ACAP2: variants seen among roughly 807,000 people sequenced by gnomAD.
The protein encoded by ACAP2 is ArfGAP with coiled-coil, ankyrin repeat and PH domains 2.
Under a neutral mutation model 115.8 loss-of-function variants are expected in ACAP2, and 39 were observed. That is an observed-to-expected ratio of 0.34 (90% CI 0.26 to 0.44). The LOEUF (loss-of-function observed/expected upper bound fraction) is 0.44. Ranked by LOEUF, ACAP2 falls within the 20% of genes least tolerant of loss-of-function variation. The pLI, the probability that ACAP2 is intolerant of heterozygous loss-of-function variation, is 1.00. For synonymous variants in ACAP2, 289 were observed against 315.8 expected, an observed-to-expected ratio of 0.92 and a Z score of 0.90; for missense variants, 662 against 927.6, an observed-to-expected ratio of 0.71 and a Z score of 3.72.
chr3:195,392,242 G>C lies in ACAP2; in HGVS notation c.54-95C>G, dbSNP rs1259713556. ...TCTAAATGAAAAGATAGATATGAATGCTTAAAAATTACACTTCACATGAAG... is the reference window on the plus strand; with the variant it reads ...TCTAAATGAAAAGATAGATATGAATCCTTAAAAATTACACTTCACATGAAG... On this transcript the variant is annotated intron_variant, in intron 1 of 22. Coordinates refer to ENST00000326793, the MANE Select transcript of ACAP2 (RefSeq NM_012287.6). 6 of 982,612 alleles carry C rather than the reference G, an allele frequency of 6.1e-6. No individual in the cohort carries two copies. The East Asian group carries it at 1.3e-4, about 22-fold the overall frequency. The allele number at this position is 982,612 out of a possible 1,614,324, so 60.9% of individuals were successfully genotyped here. A position where few individuals can be genotyped will look rare whatever the true frequency, so the allele number is the denominator to read the frequency against.
Position 195,412,693 on chromosome 3 carries a change from G to T in ACAP2, c.54-20546C>A, listed in dbSNP as rs548347575. Among the ~76,000 whole-genome samples the T allele has an allele frequency of 2.1e-4, 32 of 152,256 alleles. No homozygotes were observed. The East Asian group carries it at 6.0e-3, about 28-fold the overall frequency. The stretch of plus-strand genomic sequence containing the variant: ...ATAAGGAGAGATTTTAAGCCCTTTT[G>T]AGCTACAAGAAGTCTTTGTAAAATC... On this transcript the variant is annotated intron_variant, in intron 1 of 22. Transcript: ENST00000326793.
In ACAP2 at chr3:195,383,220, A is replaced by C. The variant is rs113366780; in HGVS notation, c.112-1198T>G. On this transcript the variant is annotated intron_variant, in intron 2 of 22. Transcript: ENST00000326793. ...TCATATGGAGTAACCACTATGCAAG[A>C]AGAGCAAAAAAATATTTGAAGAGTA... is the stretch of plus-strand genomic sequence containing the variant. Among the ~76,000 whole-genome samples the C allele has an allele frequency of 7.4e-4, 112 of 152,302 alleles. 1 individual carries two copies. The highest frequency in any genetic ancestry group is 2.5e-3 in the African/African-American group (106 of 41,582).
At chr3:195,348,033 A>T (rs1349341126) in intron 4 of ACAP2, among the ~76,000 whole-genome samples, 1 of 147,350 alleles carries the variant, frequency 6.8e-6, no homozygotes, top group Non-Finnish European at 1.5e-5. Flanking sequence ...AAAGAAGAAA[A>T]GAAAAGAAAA....
At position 195,306,613 on chromosome 3, in the gene ACAP2, A is replaced by G. The variant is rs771313555; in HGVS notation, c.1014T>C (p.Ser338=). 1.2e-6 allele frequency: 2 copies of G among 1,610,574 alleles called. No individual in the cohort carries two copies. The highest frequency in any genetic ancestry group is 1.7e-4 in the Middle Eastern group (1 of 6,052). The change falls in exon 13 of 23, where the codon AGT becomes AGC. Residue 338 remains serine, a synonymous_variant. Transcript: ENST00000326793. ...FCFEVVSPTK[S]CMLQADSEKL... ...TTTCGGAATCTGCCTGGAGCATGCA[A>G]CTTCTAAAAGGAAATAACATATTGT... is the stretch of plus-strand genomic sequence containing the variant.
intron 4 of ACAP2, among the ~76,000 whole-genome samples, chr3:195,369,090 CA>C (rs1732940026): frequency 2.0e-5 from 2 of 98,404 alleles, no homozygotes; most frequent in African/African-American, 7.8e-5. Context: ...GTCTCAAAAA[CA>C]AACAAAAAAA....
intron 4 of ACAP2, among the ~76,000 whole-genome samples, chr3:195,373,251 T>C (rs1333629357): frequency 1.3e-5 from 2 of 151,940 alleles, no homozygotes; most frequent in Admixed American, 6.6e-5. Context: ...AAAAATTTAT[T>C]TGGAAAACTC....
Position 195,320,765 on chromosome 3 carries a change from T to G in ACAP2, c.793A>C (p.Asn265His), listed in dbSNP as rs746169741. Residue 265 changes from asparagine to histidine, a missense_variant, in exon 10 of 23, where the codon AAT (asparagine) becomes CAT (histidine). Asn to His is a moderately conservative substitution (Grantham distance 68). Transcript: ENST00000326793. ...SKLEYNVDAA[N>H]GIVMEGYLFK... ...AGATATCCTTCCATAACTATGCCAT[T>G]TGCAGCATCTACGTTATATTCTAAC... 5.8e-5 allele frequency: 94 copies of G among 1,613,530 alleles called. No homozygotes were observed. The highest frequency in any genetic ancestry group is 7.6e-5 in the Non-Finnish European group (90 of 1,179,720).
chr3:195,341,310 T>C (rs974397246), intron 6 of ACAP2, among the ~76,000 whole-genome samples: 1 of 147,958 alleles, frequency 6.8e-6, no homozygotes, highest in Non-Finnish European at 1.5e-5. Flanking sequence ...TTTGTTTGTT[T>C]TATTGTGTGG....
At chr3:195,438,364 T>C (rs939009955) in intron 1 of ACAP2, among the ~76,000 whole-genome samples, 15 of 150,818 alleles carry the variant, frequency 9.9e-5, no homozygotes, top group Admixed American at 3.3e-4. Context: ...AAAATTACTT[T>C]ATAATTCCAT....
At chr3:195,358,912 T>C (rs1732164828) in intron 4 of ACAP2, among the ~76,000 whole-genome samples, 1 of 151,978 alleles carries the variant, frequency 6.6e-6, no homozygotes, top group African/African-American at 2.4e-5. Flanking sequence ...AGATCAAGGA[T>C]AAAGAAAGGA....
At chr3:195,380,195 T>C (rs1180484153) in intron 4 of ACAP2, among the ~76,000 whole-genome samples, 1 of 152,180 alleles carries the variant, frequency 6.6e-6, no homozygotes, top group African/African-American at 2.4e-5. Flanking sequence ...TACATGTCAA[T>C]ATTAGCATAG....
chr3:195,348,023 A>G (rs902431499), intron 4 of ACAP2, among the ~76,000 whole-genome samples: 13 of 150,138 alleles, frequency 8.7e-5, no homozygotes, highest in African/African-American at 2.5e-4. Context: ...TCTCGAAAGA[A>G]AAGAAGAAAA....
Position 195,300,049 on chromosome 3 carries a change from T to C in ACAP2, c.1395+1526A>G, listed in dbSNP as rs1422656869. Reference sequence around the variant, plus strand: ...TTTCTTTTTTCTTTTTTTTTCTTTTTTTTTTTTTTTTTTTTGAGACACAGT... The same window carrying C: ...TTTCTTTTTTCTTTTTTTTTCTTTTCTTTTTTTTTTTTTTTGAGACACAGT... On this transcript the variant is annotated intron_variant, in intron 15 of 22. Transcript: ENST00000326793. 3.6e-4 allele frequency among the ~76,000 whole-genome samples: 12 copies of C among 33,222 alleles called. No individual in the cohort carries two copies. In the South Asian group the frequency reaches 4.8e-3, roughly 13 times the overall value. The allele number at this position is 33,222 out of a possible 152,430, so 21.8% of individuals were successfully genotyped here.
At position 195,301,634 on chromosome 3, in the gene ACAP2, C is replaced by T; in HGVS notation, c.1336G>A (p.Val446Ile). Residue 446 changes from valine to isoleucine, a missense_variant, in exon 15 of 23, where the codon GTT becomes ATT. Coordinates refer to ENST00000326793, the MANE Select transcript of ACAP2 (RefSeq NM_012287.6). Reference sequence around the variant, plus strand: ...AAAGATCGTACTTTTGAAAAATGAACCCCAAGGCTCCTAAGTGGAAAAAAG... The same window carrying T: ...AAAGATCGTACTTTTGAAAAATGAATCCCAAGGCTCCTAAGTGGAAAAAAG... ...ECSGIHRSLG[V>I]HFSKVRSLTL... 6.2e-7 allele frequency: 1 copy of T among 1,613,188 alleles called. No individual in the cohort carries two copies. The highest frequency in any genetic ancestry group is 8.5e-7 in the Non-Finnish European group (1 of 1,179,738).
intron 10 of ACAP2, among the ~76,000 whole-genome samples, chr3:195,311,695 C>T (rs148486586): frequency 0.022 from 3,275 of 152,136 alleles, 116 homozygotes; most frequent in East Asian, 0.1. Context: ...CACCACCACG[C>T]CCAGCTAATT....
chr3:195,330,215 G>A (rs778304943), intron 8 of ACAP2, among the ~76,000 whole-genome samples: 11 of 152,176 alleles, frequency 7.2e-5, no homozygotes, highest in African/African-American at 2.7e-4. Context: ...CGAATTGGCT[G>A]TATATTAACC....
At chr3:195,312,500 TC>T (rs1457550386) in intron 10 of ACAP2, among the ~76,000 whole-genome samples, 1 of 152,136 alleles carries the variant, frequency 6.6e-6, no homozygotes, top group Non-Finnish European at 1.5e-5. Context: ...AGGGCCTCAC[TC>T]TGTCACTCAG....
At chr3:195,326,548 A>G (rs889709228) in intron 9 of ACAP2, 2 of 223,948 alleles carry the variant, frequency 8.9e-6, no homozygotes, top group African/African-American at 4.6e-5. Context: ...ACACGGACAC[A>G]CACTTTTACA....
At chr3:195,288,748 C>T (rs1277497602) in intron 21 of ACAP2, among the ~76,000 whole-genome samples, 1 of 151,898 alleles carries the variant, frequency 6.6e-6, no homozygotes, top group Non-Finnish European at 1.5e-5. Context: ...ATCCCAGCGA[C>T]TAGGGAGGCT....
Sources: allele counts gnomAD v4.1 joint callset (sites outside exome capture counted in the v4.1 genomes callset), GRCh38; gene constraint gnomAD v4.1.1; transcripts MANE v1.5; gene names NCBI Gene and HGNC (gene_info 2026-07-23, HGNC 2026-07-21).